The following SLC25A15 variants were observed in gnomAD, a reference collection of about 807,000 sequenced individuals.
SLC25A15 encodes the protein mitochondrial ornithine transporter 1.
In SLC25A15, 24 loss-of-function variants were observed where a neutral mutation model predicts 32.3. The observed-to-expected ratio is 0.74, with a 90% CI of 0.54 to 1.04. SLC25A15 has a LOEUF of 1.04. SLC25A15 is among the 50% of genes least tolerant of loss of function. SLC25A15 has a pLI of 0.00. For synonymous variants in SLC25A15, 132 were observed against 142.1 expected (o/e 0.93, Z 0.51); for missense variants, 317 against 374.5 (o/e 0.85, Z 1.27).
chr13:40,799,121 C>A lies in SLC25A15; in HGVS notation c.120C>A (p.Phe40Leu), dbSNP rs1291309119. 3 of 1,614,190 alleles carry A rather than the reference C, an allele frequency of 1.9e-6. No individual in the cohort carries two copies. Among genetic ancestry groups the A allele is most frequent in the Non-Finnish European group, 2.5e-6 (3 of 1,180,026 alleles). The stretch of plus-strand genomic sequence containing the variant: ...CAATGAAAGTGAAGATGCAGACGTT[C>A]CCTGACCTGTACCGGGGCCTCACCG... Reference protein sequence around the residue: ...FDTMKVKMQTFPDLYRGLTDC... With the variant: ...FDTMKVKMQTLPDLYRGLTDC... Residue 40 changes from phenylalanine to leucine, a missense_variant, in exon 3 of 7, where the codon TTC becomes TTA. Phe to Leu is a conservative substitution (Grantham distance 22). Coordinates refer to ENST00000338625, the MANE Select transcript of SLC25A15 (RefSeq NM_014252.4).
Position 40,809,677 on chromosome 13 carries a change from G to A in SLC25A15, c.*10G>A, listed in dbSNP as rs1234033971. ...GTTGGAAGCATACTGAAGTGTCTTG[G>A]TGGGCCTGAGCCAAGCACAGGTGTT... On this transcript the variant is annotated 3_prime_UTR_variant, in exon 7 of 7. Transcript: ENST00000338625. The A allele has an allele frequency of 6.2e-7, 1 of 1,613,026 alleles. No homozygotes were observed.
Position 40,812,230 on chromosome 13 carries a change from G to T in SLC25A15, c.*2563G>T, listed in dbSNP as rs574652330. 5.0e-4 allele frequency among the ~76,000 whole-genome samples: 76 copies of T among 152,306 alleles called. No individual in the cohort carries two copies. The highest frequency in any genetic ancestry group is 1.0e-3 in the Non-Finnish European group (70 of 68,030). On this transcript the variant is annotated 3_prime_UTR_variant, in exon 7 of 7. Coordinates refer to ENST00000338625, the MANE Select transcript of SLC25A15 (RefSeq NM_014252.4). Reference sequence around the variant, plus strand: ...CTGTTGGCAGTAAATCTTCCCACAGGCCGTCCATTAGAGATTTAACTAGAT... The same window carrying T: ...CTGTTGGCAGTAAATCTTCCCACAGTCCGTCCATTAGAGATTTAACTAGAT...
At position 40,804,932 on chromosome 13, in the gene SLC25A15, C is replaced by A. The variant is rs74413744; in HGVS notation, c.315-186C>A. On this transcript the variant is annotated intron_variant, in intron 3 of 6. Transcript: ENST00000338625. Reference sequence around the variant, plus strand: ...TGGCTGTTCACAGATGCAGTCATAGCACTGTAGCCTAGAACACATGGGCTC... The same window carrying A: ...TGGCTGTTCACAGATGCAGTCATAGAACTGTAGCCTAGAACACATGGGCTC... Among the ~76,000 whole-genome samples, 649 of 152,196 alleles carry A rather than the reference C, an allele frequency of 4.3e-3. 8 individuals are homozygous for A. Among genetic ancestry groups the A allele is most frequent in the African/African-American group, 0.015 (610 of 41,512 alleles).
chr13:40,802,727 A>C (rs1881947294), intron 3 of SLC25A15, among the ~76,000 whole-genome samples: 1 of 151,606 alleles, frequency 6.6e-6, no homozygotes, highest in Non-Finnish European at 1.5e-5. Context: ...GGCGCCCACC[A>C]CCATGCCCAG....
At chr13:40,808,900 A>G (rs141630056) in intron 6 of SLC25A15, among the ~76,000 whole-genome samples, 1 of 138,422 alleles carries the variant, frequency 7.2e-6, no homozygotes, top group Non-Finnish European at 1.5e-5. Flanking sequence ...GCACCACTGC[A>G]CTCCAGCCTG....
intron 4 of SLC25A15, among the ~76,000 whole-genome samples, chr13:40,806,889 T>G (rs1882205522): frequency 1.3e-5 from 2 of 152,248 alleles, no homozygotes; most frequent in Admixed American, 1.3e-4. Context: ...TTCTTGGTGC[T>G]TCTGCATAAC....
rs576852849 is a variant in SLC25A15 at position 40,807,458 on chromosome 13, A to C, written c.617A>C (p.Glu206Ala). ...SFFASGRSKD[E>A]LGPVPLMLSG... ...TTTGCATCAGGGAGATCAAAAGATG[A>C]ATTAGGTAAATGTGTTTGCATTGAC... Residue 206 changes from glutamate to alanine, a missense_variant, in exon 5 of 7, where the codon GAA (glutamate) becomes GCA (alanine). Transcript: ENST00000338625. The C allele has an allele frequency of 9.3e-6, 15 of 1,614,140 alleles. No homozygotes were observed. In the South Asian group the frequency reaches 1.6e-4, roughly 18 times the overall value.
intron 2 of SLC25A15, among the ~76,000 whole-genome samples, chr13:40,795,833 A>G (rs1431569695): frequency 6.6e-6 from 1 of 152,338 alleles, no homozygotes; most frequent in Non-Finnish European, 1.5e-5. Context: ...TGTTGGCTCC[A>G]ATGCTCGTTG....
chr13:40,790,607 G>A (rs963815996), intron 1 of SLC25A15, among the ~76,000 whole-genome samples: 1 of 152,120 alleles, frequency 6.6e-6, no homozygotes, highest in African/African-American at 2.4e-5. Flanking sequence ...ATTTTTTTGA[G>A]ACGGAGTTTC....
Position 40,805,308 on chromosome 13 carries a change from A to G in SLC25A15, c.452+53A>G, listed in dbSNP as rs369473320. 3.1e-5 allele frequency: 49 copies of G among 1,605,310 alleles called. No individual in the cohort carries two copies. In the African/African-American group the frequency reaches 4.5e-4, roughly 15 times the overall value. On this transcript the variant is annotated intron_variant, in intron 4 of 6. Coordinates refer to ENST00000338625, the MANE Select transcript of SLC25A15 (RefSeq NM_014252.4). The stretch of plus-strand genomic sequence containing the variant: ...GGTCTCTATTGCCCTAGTGTATTGG[A>G]TGATTTTTCATTTTACATTGTACTA...
chr13:40,790,110 G>T (rs983270006), intron 1 of SLC25A15, among the ~76,000 whole-genome samples: 1 of 152,180 alleles, frequency 6.6e-6, no homozygotes, highest in Non-Finnish European at 1.5e-5. Flanking sequence ...GGTCCTTGGC[G>T]GCGAAACTGA....
At chr13:40,804,708 AT>A (rs367566067) in intron 3 of SLC25A15, among the ~76,000 whole-genome samples, 26,892 of 141,524 alleles carry the variant, frequency 0.19, 3,698 homozygotes, top group African/African-American at 0.4. Flanking sequence ...CGCCCGGCTA[AT>A]TTTTTTTTTT....
At chr13:40,791,367 T>A (rs577932142) in intron 1 of SLC25A15, among the ~76,000 whole-genome samples, 178 of 126,218 alleles carry the variant, frequency 1.4e-3, no homozygotes, top group African/African-American at 3.2e-3. Context: ...TATTATTATT[T>A]TTTTTTTTGA....
In SLC25A15 at chr13:40,801,265, C is replaced by CTGA. The variant is rs1377512115; in HGVS notation, c.314+1952_314+1954dup. On this transcript the variant is annotated intron_variant, in intron 3 of 6. Transcript: ENST00000338625. Reference sequence around the variant, plus strand: ...AAAAAAGAAAAGAAAAGAAACCATCCTGATTAACCTTGTCTAATCCAGCAC... The same window carrying CTGA: ...AAAAAAGAAAAGAAAAGAAACCATCCTGATGATTAACCTTGTCTAATCCAGCAC... Among the ~76,000 whole-genome samples, 39 of 150,722 alleles carry CTGA rather than the reference C, an allele frequency of 2.6e-4. 1 individual carries two copies. Among genetic ancestry groups the CTGA allele is most frequent in the Admixed American group, 2.4e-3 (36 of 15,138 alleles).
intron 3 of SLC25A15, among the ~76,000 whole-genome samples, chr13:40,801,038 A>T (rs1484177385): frequency 2.0e-5 from 3 of 152,012 alleles, no homozygotes; most frequent in Admixed American, 1.3e-4. Flanking sequence ...TTTGAGACCA[A>T]CCTGAGCAAC....
intron 5 of SLC25A15, 114 bp downstream of exon 5, chr13:40,807,577 C>T: frequency 8.3e-7 from 1 of 1,206,166 alleles, no homozygotes; most frequent in African/African-American, 1.5e-5. Context: ...GTGGCTCCAT[C>T]TGGCACAGGG....
chr13:40,801,501 C>T (rs190532003), intron 3 of SLC25A15, among the ~76,000 whole-genome samples: 4 of 152,276 alleles, frequency 2.6e-5, no homozygotes, highest in Admixed American at 2.6e-4. Context: ...TTGACCTGCT[C>T]AAGGTCACCC....
intron 3 of SLC25A15, among the ~76,000 whole-genome samples, chr13:40,802,960 C>T (rs1046002909): frequency 6.6e-6 from 1 of 152,146 alleles, no homozygotes; most frequent in Non-Finnish European, 1.5e-5. Flanking sequence ...TTCCCACCCA[C>T]CCTTAGGGGT....
chr13:40,804,796 C>T (rs1455837700), intron 3 of SLC25A15, among the ~76,000 whole-genome samples: 1 of 151,834 alleles, frequency 6.6e-6, no homozygotes, highest in African/African-American at 2.4e-5. Context: ...GTGATCCGCC[C>T]GCCTCGGCCT....
Sources: gnomAD v4.1 joint callset for allele counts (sites outside exome capture counted in the v4.1 genomes callset) on GRCh38, gnomAD v4.1.1 for gene constraint, MANE v1.5 for transcripts, NCBI Gene and HGNC (gene_info 2026-07-23, HGNC 2026-07-21) for gene names.